NEDD9: variants seen among roughly 807,000 people sequenced by gnomAD.
NEDD9 encodes neural precursor cell expressed, developmentally down-regulated 9.
NEDD9 carries 26 observed loss-of-function variants against 76.6 expected under a neutral mutation model. The ratio of observed to expected loss-of-function variants is 0.34; its 90% confidence interval spans 0.25 to 0.47. The LOEUF (loss-of-function observed/expected upper bound fraction) is 0.47, where lower values mean the gene tolerates loss of function less well. Ranked by LOEUF, NEDD9 falls within the 20% of genes least tolerant of loss-of-function variation. The pLI, the probability that NEDD9 is intolerant of heterozygous loss-of-function variation, is 1.00. For synonymous variants in NEDD9, 392 were observed against 414.2 expected, an observed-to-expected ratio of 0.95 and a Z score of 0.65; for missense variants, 937 against 1,058.5, an observed-to-expected ratio of 0.89 and a Z score of 1.59.
rs1348750093 is a variant in NEDD9, at chr6:11,262,797, G to A, written c.12+43195C>T. Among the ~76,000 whole-genome samples, 2 of 152,198 alleles carry A rather than the reference G, an allele frequency of 1.3e-5. 1 individual carries two copies. The highest frequency in any genetic ancestry group is 2.9e-5 in the Non-Finnish European group (2 of 68,040). ...TATGTGGATGAACAGAGCTATTCAT[G>A]GAATTCAGGTAAATTATGACATCTG... On this transcript the variant is annotated intron_variant, in intron 3 of 3. Transcript: ENST00000397378.
Position 11,338,613 on chromosome 6 carries a change from G to A in NEDD9, c.-213-4052C>T, listed in dbSNP as rs574472614. Among the ~76,000 whole-genome samples, 114 of 152,196 alleles carry A rather than the reference G, an allele frequency of 7.5e-4. 1 individual carries two copies. Among genetic ancestry groups the A allele is most frequent in the African/African-American group, 2.5e-3 (102 of 41,546 alleles). Reference sequence around the variant, plus strand: ...CTTTGCAAATGGGAAAGGAATGGACGCATTCCAGCTCTTTTAAAAATTAAA... The same window carrying A: ...CTTTGCAAATGGGAAAGGAATGGACACATTCCAGCTCTTTTAAAAATTAAA... On this transcript the variant is annotated intron_variant, in intron 1 of 3. Coordinates refer to the NEDD9 transcript ENST00000397378.
At chr6:11,248,796 C>T in intron 3 of NEDD9, 1 of 260,812 alleles carries the variant, frequency 3.8e-6, no homozygotes. Context: ...GAAACTGAGG[C>T]CCCACCTTGG....
chr6:11,207,742 C>T (rs1382521072), intron 2 of NEDD9, among the ~76,000 whole-genome samples: 1 of 152,136 alleles, frequency 6.6e-6, no homozygotes, highest in Admixed American at 6.5e-5. Flanking sequence ...GGAGAAACTG[C>T]TGGGTTGCAG....
rs556883919 is a variant in NEDD9 at position 11,330,895 on chromosome 6, A to G, written c.-153+3606T>C. On this transcript the variant is annotated intron_variant, in intron 2 of 3. Transcript: ENST00000397378. ...CTTGTTGTTAACCTAGCACTGCTTT[A>G]GGGTCTGAGTATTAGGGCTGTTTTC... is the stretch of plus-strand genomic sequence containing the variant. Among the ~76,000 whole-genome samples the G allele has an allele frequency of 1.7e-3, 260 of 152,314 alleles. 1 individual carries two copies. The highest frequency in any genetic ancestry group is 2.1e-3 in the Non-Finnish European group (143 of 68,022).
At chr6:11,258,946 T>A (rs573956755) in intron 3 of NEDD9, 1 of 152,232 alleles carries the variant, frequency 6.6e-6, no homozygotes, top group East Asian at 1.9e-4. Context: ...ACCAGTGGAG[T>A]CACTCTGGGC....
At chr6:11,202,674 A>G (rs891454444) in intron 2 of NEDD9, among the ~76,000 whole-genome samples, 7 of 152,208 alleles carry the variant, frequency 4.6e-5, no homozygotes, top group African/African-American at 1.7e-4. Context: ...TTACTTGCAT[A>G]GCAACAATAT....
intron 2 of NEDD9, among the ~76,000 whole-genome samples, chr6:11,330,020 T>C (rs183492598): frequency 1.3e-5 from 2 of 152,360 alleles, no homozygotes; most frequent in South Asian, 2.1e-4. Context: ...CTGTCCGATG[T>C]GGGAGCTACC....
intron 3 of NEDD9, among the ~76,000 whole-genome samples, chr6:11,289,936 C>T (rs548411550): frequency 1.3e-5 from 2 of 152,200 alleles, no homozygotes; most frequent in East Asian, 3.9e-4. Context: ...TCTAAAAATT[C>T]AGGCAAAAAA....
intron 1 of NEDD9, among the ~76,000 whole-genome samples, chr6:11,356,046 C>T (rs1762570076): frequency 6.6e-6 from 1 of 152,140 alleles, no homozygotes; most frequent in Non-Finnish European, 1.5e-5. Flanking sequence ...TTACTAAGAG[C>T]TGCAACAGCC....
chr6:11,276,835 T>C (rs1056426149), intron 3 of NEDD9, among the ~76,000 whole-genome samples: 12 of 152,004 alleles, frequency 7.9e-5, no homozygotes, highest in Non-Finnish European at 1.6e-4. Flanking sequence ...GCATATGTGA[T>C]GGGAAAGAGG....
chr6:11,319,027 TTA>T (rs1178493539), intron 2 of NEDD9, among the ~76,000 whole-genome samples: 3 of 152,256 alleles, frequency 2.0e-5, no homozygotes, highest in African/African-American at 7.2e-5. Flanking sequence ...TTAGAGTTCA[TTA>T]TGTTTCTGCC....
intron 2 of NEDD9, among the ~76,000 whole-genome samples, chr6:11,202,634 C>A (rs1758484358): frequency 6.6e-6 from 1 of 152,150 alleles, no homozygotes; most frequent in South Asian, 2.1e-4. Flanking sequence ...TCATTCTGCC[C>A]AGCTTGGGTG....
At chr6:11,200,744 C>T (rs544466365) in intron 2 of NEDD9, 2 of 1,373,046 alleles carry the variant, frequency 1.5e-6, no homozygotes, top group East Asian at 2.8e-5. Context: ...GACAGTGGTC[C>T]TTGATGATCA....
At chr6:11,356,616 C>T (rs6935281) in intron 1 of NEDD9, among the ~76,000 whole-genome samples, 86,229 of 151,708 alleles carry the variant, frequency 0.57, 25,187 homozygotes, top group African/African-American at 0.68. Flanking sequence ...AATTTGCATT[C>T]CTAAGATACT....
At chr6:11,344,337 T>C (rs560123684) in intron 1 of NEDD9, among the ~76,000 whole-genome samples, 1 of 151,690 alleles carries the variant, frequency 6.6e-6, no homozygotes, top group Non-Finnish European at 1.5e-5. Flanking sequence ...GTTGAAGATG[T>C]TTATCCTGGA....
At chr6:11,324,417 G>A (rs1291458592) in intron 2 of NEDD9, among the ~76,000 whole-genome samples, 1 of 152,134 alleles carries the variant, frequency 6.6e-6, no homozygotes. Flanking sequence ...GATCCCCTGG[G>A]ATCTCTTCAC....
intron 1 of NEDD9, among the ~76,000 whole-genome samples, chr6:11,342,162 T>C (rs1762286330): frequency 6.6e-6 from 1 of 151,358 alleles, no homozygotes; most frequent in African/African-American, 2.4e-5. Context: ...TAAAAAATAT[T>C]AAGGAAAAAA....
At chr6:11,369,025 C>T (rs544411400) in intron 1 of NEDD9, among the ~76,000 whole-genome samples, 3 of 152,290 alleles carry the variant, frequency 2.0e-5, no homozygotes, top group Admixed American at 2.0e-4. Context: ...AGATGAGAAA[C>T]AGAGAAACAG....
Position 11,239,805 on chromosome 6 carries a change from GGAGGCT to G in NEDD9, c.13-26084_13-26079del, listed in dbSNP as rs368705849. On this transcript the variant is annotated intron_variant, in intron 3 of 3. Transcript: ENST00000397378. ...TCACACCTGTAATCCCAGCACTTTG[GGAGGCT>G]GAGGCAGGTGGATCATGAGGTAAGG... 1.8e-4 allele frequency among the ~76,000 whole-genome samples: 27 copies of G among 152,204 alleles called. 2 individuals carry two copies. The highest frequency in any genetic ancestry group is 6.5e-4 in the African/African-American group (27 of 41,512).
Sources: allele counts gnomAD v4.1 joint callset (sites outside exome capture counted in the v4.1 genomes callset), GRCh38; gene constraint gnomAD v4.1.1; transcripts MANE v1.5; gene names NCBI Gene and HGNC (gene_info 2026-07-23, HGNC 2026-07-21).